Variants in LRRC7 observed in about 807,000 individuals in gnomAD.
The protein encoded by LRRC7 is leucine rich repeat containing 7.
LRRC7 carries 23 observed loss-of-function variants against 175.7 expected under a neutral mutation model. That is an observed-to-expected ratio of 0.13 (90% CI 0.09 to 0.19). The LOEUF (loss-of-function observed/expected upper bound fraction) is 0.19, where lower values mean the gene tolerates loss of function less well. Among genes scored for constraint, LRRC7 ranks in the 10% least tolerant of loss-of-function variants. The pLI is 1.00. For synonymous variants in LRRC7, 685 were observed against 680.9 expected, an observed-to-expected ratio of 1.01 and a Z score of -0.09; for missense variants, 1,354 against 1,904.7, an observed-to-expected ratio of 0.71 and a Z score of 5.38.
chr1:69,600,034 C>T (rs1646991354), intron 1 of LRRC7, among the ~76,000 whole-genome samples: 1 of 152,130 alleles, frequency 6.6e-6, no homozygotes, highest in Non-Finnish European at 1.5e-5. Context: ...GCCACTCCAC[C>T]TCTAGGCTTT....
intron 5 of LRRC7, among the ~76,000 whole-genome samples, chr1:69,828,242 A>G (rs1181525698): frequency 6.6e-6 from 1 of 152,130 alleles, no homozygotes; most frequent in Non-Finnish European, 1.5e-5. Flanking sequence ...CAAACTATGC[A>G]CAAGTGTTTG....
intron 7 of LRRC7, among the ~76,000 whole-genome samples, chr1:69,910,996 C>T (rs182780131): frequency 9.8e-5 from 15 of 152,306 alleles, no homozygotes; most frequent in Admixed American, 2.0e-4. Flanking sequence ...TAGGACCCTC[C>T]GAGTCATGTG....
chr1:69,861,099 G>T (rs1557822820), intron 7 of LRRC7, among the ~76,000 whole-genome samples: 1 of 151,878 alleles, frequency 6.6e-6, no homozygotes, highest in East Asian at 1.9e-4. Flanking sequence ...AAATTACAAA[G>T]AAAAAGCATA....
At chr1:69,806,227 C>T (rs1416342087) in intron 4 of LRRC7, among the ~76,000 whole-genome samples, 2 of 151,748 alleles carry the variant, frequency 1.3e-5, no homozygotes, top group African/African-American at 2.4e-5. Context: ...ATTCATTTGT[C>T]GAGTATGAAG....
At chr1:69,940,029 G>A (rs1223818331) in intron 8 of LRRC7, among the ~76,000 whole-genome samples, 2 of 152,026 alleles carry the variant, frequency 1.3e-5, no homozygotes, top group South Asian at 2.1e-4. Flanking sequence ...AAATACATAC[G>A]CACAGGCAAA....
intron 7 of LRRC7, among the ~76,000 whole-genome samples, chr1:69,850,728 A>G (rs1223653715): frequency 2.0e-5 from 3 of 152,090 alleles, no homozygotes; most frequent in African/African-American, 7.2e-5. Flanking sequence ...ACAATTTCCT[A>G]TATAGAGAAA....
At chr1:70,028,466 AT>A (rs1036855791) in intron 18 of LRRC7, 95 bp downstream of exon 18, 323 of 1,043,018 alleles carry the variant, frequency 3.1e-4, no homozygotes, top group Non-Finnish European at 4.3e-4. Context: ...TGATAAGTGC[AT>A]TTTTTTCCTA....
At chr1:69,832,372 G>A (rs1230747564) in intron 5 of LRRC7, among the ~76,000 whole-genome samples, 2 of 152,198 alleles carry the variant, frequency 1.3e-5, no homozygotes, top group East Asian at 3.9e-4. Context: ...AAAACCTTCA[G>A]ACAGGAAGGA....
chr1:70,086,052 A>G (rs1663583790), intron 24 of LRRC7, among the ~76,000 whole-genome samples: 1 of 152,162 alleles, frequency 6.6e-6, no homozygotes, highest in Non-Finnish European at 1.5e-5. Flanking sequence ...ATGTATTTTA[A>G]CAAGGAGTCA....
At position 70,124,347 on chromosome 1, in the gene LRRC7, C is replaced by A. The variant is rs989087888; in HGVS notation, c.*2460C>A. On this transcript the variant is annotated 3_prime_UTR_variant, in exon 27 of 27. Coordinates refer to ENST00000651989, the MANE Select transcript of LRRC7 (RefSeq NM_001370785.2). The stretch of plus-strand genomic sequence containing the variant: ...GACCAGCCTGGCCAACATGGTGAAA[C>A]GCCATCTCTACTAAAAATACAAAAA... 6.6e-6 allele frequency among the ~76,000 whole-genome samples: 1 copy of A among 152,036 alleles called. No homozygotes were observed. Among genetic ancestry groups the A allele is most frequent in the Non-Finnish European group, 1.5e-5 (1 of 68,016 alleles).
chr1:69,963,576 G>A lies in LRRC7; in HGVS notation c.712-16803G>A, dbSNP rs112478686. 5.6e-4 allele frequency among the ~76,000 whole-genome samples: 85 copies of A among 152,326 alleles called. 1 individual carries two copies. The highest frequency in any genetic ancestry group is 2.0e-3 in the African/African-American group (84 of 41,574). ...AGTAATTATACTGAAATGGCCCACA[G>A]GCTACAGTGTAGATAGAAGATGGAG... On this transcript the variant is annotated intron_variant, in intron 8 of 26. Transcript: ENST00000651989.
intron 1 of LRRC7, among the ~76,000 whole-genome samples, chr1:69,641,758 T>C (rs183268826): frequency 6.6e-6 from 1 of 151,892 alleles, no homozygotes; most frequent in Non-Finnish European, 1.5e-5. Flanking sequence ...TTTTAAAATA[T>C]ATAATCATCA....
intron 7 of LRRC7, among the ~76,000 whole-genome samples, chr1:69,896,864 C>T (rs1645995051): frequency 6.6e-6 from 1 of 152,076 alleles, no homozygotes; most frequent in Non-Finnish European, 1.5e-5. Context: ...ATAAAGCCTT[C>T]TTTGTTGGTT....
rs910457299 is a variant in LRRC7 at position 69,646,954 on chromosome 1, C to T, written c.3-31427C>T. On this transcript the variant is annotated intron_variant, in intron 1 of 26. Transcript: ENST00000651989. ...AGCCAGAAGTTGGGTCCAGCAACCACATATCAGAGCTGGCCTACGTCATTC... is the reference window on the plus strand; with the variant it reads ...AGCCAGAAGTTGGGTCCAGCAACCATATATCAGAGCTGGCCTACGTCATTC... Among the ~76,000 whole-genome samples, 7 of 152,040 alleles carry T rather than the reference C, an allele frequency of 4.6e-5. No homozygotes were observed. In the East Asian group the frequency reaches 1.4e-3, roughly 29 times the overall value.
At chr1:70,076,360 G>T (rs543882749) in intron 24 of LRRC7, 62 bp downstream of exon 24, 1 of 1,484,544 alleles carries the variant, frequency 6.7e-7, no homozygotes, top group Admixed American at 1.8e-5. Flanking sequence ...AGAATCCATG[G>T]TTGGCCTTCC....
intron 7 of LRRC7, among the ~76,000 whole-genome samples, chr1:69,868,510 T>C (rs1267622964): frequency 6.6e-6 from 1 of 152,010 alleles, no homozygotes; most frequent in Admixed American, 6.6e-5. Flanking sequence ...AGGAATATAG[T>C]GTGTACTTGA....
At chr1:70,108,417 A>G (rs926334289) in intron 26 of LRRC7, among the ~76,000 whole-genome samples, 8 of 152,212 alleles carry the variant, frequency 5.3e-5, no homozygotes, top group African/African-American at 1.9e-4. Flanking sequence ...AATACTTTAC[A>G]TAAACTCATT....
At chr1:69,954,265 G>A (rs974991402) in intron 8 of LRRC7, among the ~76,000 whole-genome samples, 2 of 152,022 alleles carry the variant, frequency 1.3e-5, no homozygotes, top group African/African-American at 4.8e-5. Flanking sequence ...CGTGCTGTGG[G>A]TTGATGATTA....
At chr1:69,593,363 A>AT (rs1285412224) in intron 1 of LRRC7, among the ~76,000 whole-genome samples, 5 of 151,886 alleles carry the variant, frequency 3.3e-5, no homozygotes, top group African/African-American at 7.3e-5. Context: ...CATGCTTTGT[A>AT]TTTTTTTTAT....
Sources: allele counts gnomAD v4.1 joint callset (sites outside exome capture counted in the v4.1 genomes callset), GRCh38; gene constraint gnomAD v4.1.1; transcripts MANE v1.5; gene names NCBI Gene and HGNC (gene_info 2026-07-23, HGNC 2026-07-21).